TIMD4: variants seen among roughly 807,000 people sequenced by gnomAD.
TIMD4 encodes the protein T-cell immunoglobulin and mucin domain-containing protein 4.
Under a neutral mutation model 41.2 loss-of-function variants are expected in TIMD4, and 31 were observed. That is an observed-to-expected ratio of 0.75 (90% CI 0.57 to 1.01). TIMD4 has a LOEUF of 1.01. TIMD4 is among the 50% of genes least tolerant of loss of function. The pLI is 0.00. For synonymous variants in TIMD4, 204 were observed against 177.1 expected (o/e 1.15, Z -1.21); for missense variants, 479 against 472.5 (o/e 1.01, Z -0.13).
At chr5:156,961,842 A>AAAAAG (rs1753066862) in intron 1 of TIMD4, among the ~76,000 whole-genome samples, 1 of 136,708 alleles carries the variant, frequency 7.3e-6, no homozygotes, top group African/African-American at 2.9e-5. Context: ...AAAAAGAAAG[A>AAAAAG]AAAAAAAAAA....
chr5:156,960,362 G>A (rs1247343568), intron 1 of TIMD4, among the ~76,000 whole-genome samples: 2 of 150,150 alleles, frequency 1.3e-5, no homozygotes, highest in African/African-American at 4.9e-5. Flanking sequence ...GTGTGAAAGT[G>A]ACAGGGACTG....
intron 6 of TIMD4, among the ~76,000 whole-genome samples, chr5:156,925,997 G>C (rs528207735): frequency 6.6e-6 from 1 of 152,348 alleles, no homozygotes; most frequent in East Asian, 1.9e-4. Flanking sequence ...TCTGCCTCCT[G>C]GGTTCAAGCA....
intron 5 of TIMD4, among the ~76,000 whole-genome samples, chr5:156,932,314 G>T (rs557328709): frequency 6.6e-6 from 1 of 152,168 alleles, no homozygotes; most frequent in African/African-American, 2.4e-5. Flanking sequence ...GCAAACTCTT[G>T]GGGTGTTTAT....
chr5:156,926,260 T>C lies in TIMD4; in HGVS notation c.894+3A>G. The C allele has an allele frequency of 6.2e-7, 1 of 1,613,202 alleles. No homozygotes were observed. Among genetic ancestry groups the C allele is most frequent in the Non-Finnish European group, 8.5e-7 (1 of 1,179,378 alleles). On this transcript the variant is annotated splice_donor_region_variant and intron_variant, in intron 6 of 8. Coordinates refer to ENST00000274532, the MANE Select transcript of TIMD4 (RefSeq NM_138379.3). ...TACTGCAAATACTTCACAGATTTTT[T>C]ACCTGTCCTGTTTTTGTTGTTTTGT...
intron 7 of TIMD4, among the ~76,000 whole-genome samples, chr5:156,921,494 C>A (rs759204403): frequency 2.3e-4 from 35 of 151,652 alleles, no homozygotes; most frequent in Non-Finnish European, 4.3e-4. Context: ...ATGGCGTGAA[C>A]CTGTAGTCTC....
At chr5:156,922,771 T>C (rs1184872646) in intron 6 of TIMD4, among the ~76,000 whole-genome samples, 5 of 138,222 alleles carry the variant, frequency 3.6e-5, no homozygotes, top group Admixed American at 3.0e-4. Context: ...TTACACAGAA[T>C]GTGGAAACAG....
chr5:156,942,282 A>T (rs1459026421), intron 5 of TIMD4, among the ~76,000 whole-genome samples: 1 of 152,212 alleles, frequency 6.6e-6, no homozygotes, highest in Non-Finnish European at 1.5e-5. Flanking sequence ...AGCTCTGTTG[A>T]GAAACAGTGG....
intron 2 of TIMD4, among the ~76,000 whole-genome samples, chr5:156,952,289 CAAA>C (rs765141627): frequency 3.5e-5 from 4 of 115,246 alleles, no homozygotes; most frequent in Admixed American, 9.1e-5. Context: ...GACTCCATCT[CAAA>C]AAAAAAAAAA....
At chr5:156,961,794 G>T (rs1334331230) in intron 1 of TIMD4, among the ~76,000 whole-genome samples, 2 of 90,064 alleles carry the variant, frequency 2.2e-5, no homozygotes, top group Non-Finnish European at 4.0e-5. Context: ...AGGCAAAAGA[G>T]CGAGACTCCG....
intron 7 of TIMD4, 124 bp downstream of exon 7, chr5:156,921,975 G>A: frequency 1.5e-6 from 1 of 682,750 alleles, no homozygotes; most frequent in East Asian, 2.9e-5. Flanking sequence ...GGCTGGGATG[G>A]GAACAATGGC....
chr5:156,940,105 T>C (rs1366449459), intron 5 of TIMD4, among the ~76,000 whole-genome samples: 5 of 152,232 alleles, frequency 3.3e-5, no homozygotes, highest in Admixed American at 2.0e-4. Context: ...TGCAGGCGCG[T>C]GCCGCCAGGC....
At chr5:156,927,133 C>T (rs73293043) in intron 5 of TIMD4, among the ~76,000 whole-genome samples, 5,012 of 152,308 alleles carry the variant, frequency 0.033, 272 homozygotes, top group African/African-American at 0.12. Context: ...GAGGGAGAAG[C>T]ATTCAGCTCA....
At chr5:156,953,236 G>T (rs1250352730) in intron 2 of TIMD4, among the ~76,000 whole-genome samples, 1 of 152,156 alleles carries the variant, frequency 6.6e-6, no homozygotes, top group Non-Finnish European at 1.5e-5. Flanking sequence ...TGCAAAATTG[G>T]AATAGCTTTT....
At chr5:156,957,198 T>C (rs1759987324) in intron 1 of TIMD4, among the ~76,000 whole-genome samples, 1 of 152,104 alleles carries the variant, frequency 6.6e-6, no homozygotes, top group African/African-American at 2.4e-5. Flanking sequence ...CTTTGCCAAG[T>C]GGAAATGTTT....
chr5:156,938,786 C>T (rs1444855220), intron 5 of TIMD4, among the ~76,000 whole-genome samples: 1 of 152,218 alleles, frequency 6.6e-6, no homozygotes, highest in Non-Finnish European at 1.5e-5. Context: ...GCCCACAGAG[C>T]TCATACTCTC....
rs752096886 is a variant in TIMD4, at chr5:156,954,462, C to T, written c.353G>A (p.Gly118Asp). 2 of 1,614,070 alleles carry T rather than the reference C, an allele frequency of 1.2e-6. No homozygotes were observed. Among genetic ancestry groups the T allele is most frequent in the South Asian group, 1.1e-5 (1 of 91,076 alleles). ...GTTTATCTTTACATCGTTGAACCAG[C>T]CAGGCACTTCTATGCGGCAGCAGTA... Reference protein sequence around the residue: ...GVYCCRIEVPGWFNDVKINVR... With the variant: ...GVYCCRIEVPDWFNDVKINVR... Residue 118 changes from glycine (G) to aspartate (D), a missense_variant, in exon 2 of 9, where the codon GGC (glycine) becomes GAC (aspartate). Physicochemically the swap from Gly to Asp is moderately conservative, Grantham distance 94. Transcript: ENST00000274532.
Position 156,962,778 on chromosome 5 carries a change from T to C in TIMD4, c.58+363A>G, listed in dbSNP as rs537360252. Among the ~76,000 whole-genome samples the C allele has an allele frequency of 2.0e-5, 3 of 152,314 alleles. No homozygotes were observed. In the East Asian group the frequency reaches 5.8e-4, roughly 29 times the overall value. On this transcript the variant is annotated intron_variant, in intron 1 of 8. Transcript: ENST00000274532. ...TAAAAACAGAGGGAATGATAAGAAT[T>C]ATCACAATTCTCACCAGAACAAATT... is the stretch of plus-strand genomic sequence containing the variant.
chr5:156,947,658 G>A (rs1470928193), intron 5 of TIMD4, among the ~76,000 whole-genome samples: 1 of 152,146 alleles, frequency 6.6e-6, no homozygotes, highest in African/African-American at 2.4e-5. Flanking sequence ...AACAATAAGT[G>A]AATAAAACAA....
intron 5 of TIMD4, among the ~76,000 whole-genome samples, chr5:156,932,234 C>A (rs1365859185): frequency 2.6e-5 from 4 of 152,174 alleles, no homozygotes; most frequent in Non-Finnish European, 5.9e-5. Flanking sequence ...TCAAATGTGA[C>A]TTTTCAATGG....
Sources: allele counts gnomAD v4.1 joint callset (sites outside exome capture counted in the v4.1 genomes callset), GRCh38; gene constraint gnomAD v4.1.1; transcripts MANE v1.5; gene names NCBI Gene and HGNC (gene_info 2026-07-23, HGNC 2026-07-21).